The following EXOC4 variants were observed in gnomAD, a reference collection of about 807,000 sequenced individuals.
EXOC4 encodes the protein SEC8-like 1.
EXOC4 carries 71 observed loss-of-function variants against 107.2 expected under a neutral mutation model. The ratio of observed to expected loss-of-function variants is 0.66; its 90% CI spans 0.55 to 0.81. The LOEUF is 0.81. EXOC4 is among the 30% of genes least tolerant of loss of function. The pLI, the probability that EXOC4 is intolerant of heterozygous loss-of-function variation, is 0.00. For missense variants in EXOC4, 1,108 were observed against 1,189.6 expected (o/e 0.93, Z 1.01); for synonymous variants, 456 against 441.2 (o/e 1.03, Z -0.42).
At chr7:133,348,850 A>T (rs1462386678) in intron 5 of EXOC4, among the ~76,000 whole-genome samples, 3 of 152,212 alleles carry the variant, frequency 2.0e-5, no homozygotes, top group African/African-American at 7.2e-5. Context: ...TTGCGTTGTC[A>T]TCTTTATAAG....
chr7:133,864,751 A>T (rs1050432412), intron 11 of EXOC4, among the ~76,000 whole-genome samples: 3 of 152,216 alleles, frequency 2.0e-5, no homozygotes, highest in African/African-American at 4.8e-5. Flanking sequence ...TGTGCGGTTC[A>T]TCTGGATTTA....
chr7:134,036,601 G>C (rs1477950870), intron 17 of EXOC4, among the ~76,000 whole-genome samples: 1 of 151,994 alleles, frequency 6.6e-6, no homozygotes, highest in South Asian at 2.1e-4. Flanking sequence ...AGAAAAAAAA[G>C]AGAGAGAATT....
intron 2 of EXOC4, among the ~76,000 whole-genome samples, chr7:133,276,159 C>T (rs1793986408): frequency 6.6e-6 from 1 of 152,062 alleles, no homozygotes; most frequent in Non-Finnish European, 1.5e-5. Flanking sequence ...CCTCCTTTCT[C>T]CCCTACTTTC....
At chr7:133,731,747 T>C (rs10954430) in intron 10 of EXOC4, among the ~76,000 whole-genome samples, 150,078 of 152,208 alleles carry the variant, frequency 0.99, 74,037 homozygotes, top group Middle Eastern at 1. Flanking sequence ...TTCAGCCTCA[T>C]GTTCATGTTG....
intron 10 of EXOC4, among the ~76,000 whole-genome samples, chr7:133,690,796 G>A (rs1794402430): frequency 6.6e-6 from 1 of 152,146 alleles, no homozygotes; most frequent in Non-Finnish European, 1.5e-5. Flanking sequence ...ACATAGGACA[G>A]GGCGGATTGG....
chr7:133,259,544 C>T (rs1177192562), intron 1 of EXOC4, among the ~76,000 whole-genome samples: 2 of 151,846 alleles, frequency 1.3e-5, no homozygotes, highest in Non-Finnish European at 2.9e-5. Context: ...ATTTTCTTCA[C>T]CAGCATTATC....
chr7:133,619,787 C>T (rs1461598436), intron 9 of EXOC4, among the ~76,000 whole-genome samples: 2 of 152,142 alleles, frequency 1.3e-5, no homozygotes, highest in Non-Finnish European at 2.9e-5. Context: ...GCAGATAGCA[C>T]AGATACTTTC....
At chr7:133,316,401 C>T (rs1039390830) in intron 4 of EXOC4, among the ~76,000 whole-genome samples, 2 of 152,154 alleles carry the variant, frequency 1.3e-5, no homozygotes, top group African/African-American at 4.8e-5. Flanking sequence ...ATGGCTTCCA[C>T]TTCCCTACCC....
intron 11 of EXOC4, among the ~76,000 whole-genome samples, chr7:133,869,693 A>G (rs1490148601): frequency 6.6e-6 from 1 of 151,950 alleles, no homozygotes; most frequent in African/African-American, 2.4e-5. Flanking sequence ...TCCCTTCTCT[A>G]AACTGGAATC....
rs887714235 is a variant in EXOC4 at position 133,897,030 on chromosome 7, C to G, written c.1871+1295C>G. Among the ~76,000 whole-genome samples the G allele has an allele frequency of 4.0e-5, 6 of 149,546 alleles. No homozygotes were observed. In the East Asian group the frequency reaches 9.8e-4, roughly 24 times the overall value. On this transcript the variant is annotated intron_variant, in intron 12 of 17. Coordinates refer to ENST00000253861, the MANE Select transcript of EXOC4 (RefSeq NM_021807.4). ...ACTGGAACAGAGTTCCTATTAGAAT[C>G]TAGTAGGAGATAATGTTGAATAGGA...
chr7:133,855,134 TATATATATAA>T (rs1283979073), intron 11 of EXOC4, among the ~76,000 whole-genome samples: 1 of 110,854 alleles, frequency 9.0e-6, no homozygotes, highest in African/African-American at 4.6e-5. Context: ...TATAAATATA[TATATATATAA>T]ATATATATAT....
At chr7:133,493,115 C>T (rs774380795) in intron 9 of EXOC4, among the ~76,000 whole-genome samples, 9 of 152,148 alleles carry the variant, frequency 5.9e-5, no homozygotes, top group Non-Finnish European at 1.0e-4. Flanking sequence ...TGAGTTAACA[C>T]ATGTAAAATG....
At chr7:134,022,684 CAAAG>C (rs1383038929) in intron 17 of EXOC4, among the ~76,000 whole-genome samples, 1 of 152,144 alleles carries the variant, frequency 6.6e-6, no homozygotes, top group Non-Finnish European at 1.5e-5. Context: ...CTCACCTGGA[CAAAG>C]AGAGAGAAAT....
At chr7:134,071,763 G>A in the EXOC4 span, among the ~76,000 whole-genome samples, 1 of 152,262 alleles carries the variant, frequency 6.6e-6, no homozygotes. Context: ...AGTTTGCTTG[G>A]GGGTTAGAAG....
At chr7:133,274,309 C>G (rs1200268875) in intron 1 of EXOC4, among the ~76,000 whole-genome samples, 1 of 152,160 alleles carries the variant, frequency 6.6e-6, no homozygotes, top group Non-Finnish European at 1.5e-5. Context: ...GGTGGTTCCT[C>G]AGTGTATAAG....
At chr7:133,300,376 A>T (rs1003241851) in intron 3 of EXOC4, among the ~76,000 whole-genome samples, 2 of 152,202 alleles carry the variant, frequency 1.3e-5, no homozygotes, top group Admixed American at 6.5e-5. Context: ...AGTCTTCTCC[A>T]GTGAAACTGA....
chr7:133,532,130 G>A lies in EXOC4; in HGVS notation c.1417+51992G>A, dbSNP rs1220773862. On this transcript the variant is annotated intron_variant, in intron 9 of 17. Transcript: ENST00000253861. Reference sequence around the variant, plus strand: ...TGCTCAAAAAGTTTTGGATTTTGGAGCACTTTAGATTTTGAATTTTTAGAT... The same window carrying A: ...TGCTCAAAAAGTTTTGGATTTTGGAACACTTTAGATTTTGAATTTTTAGAT... Among the ~76,000 whole-genome samples the A allele has an allele frequency of 2.6e-5, 4 of 152,144 alleles. No individual in the cohort carries two copies. In the East Asian group the frequency reaches 7.7e-4, roughly 29 times the overall value.
intron 14 of EXOC4, among the ~76,000 whole-genome samples, chr7:133,977,239 C>G (rs1793857315): frequency 6.6e-6 from 1 of 152,166 alleles, no homozygotes; most frequent in African/African-American, 2.4e-5. Context: ...AGTAGAGAAA[C>G]CCATGGCATA....
intron 2 of EXOC4, among the ~76,000 whole-genome samples, chr7:133,287,905 C>G (rs189454418): frequency 6.6e-6 from 1 of 152,244 alleles, no homozygotes; most frequent in East Asian, 1.9e-4. Context: ...ACCAAAAATA[C>G]GGTAGACTCT....
Sources: allele counts gnomAD v4.1 joint callset (sites outside exome capture counted in the v4.1 genomes callset), GRCh38; gene constraint gnomAD v4.1.1; transcripts MANE v1.5; gene names NCBI Gene and HGNC (gene_info 2026-07-23, HGNC 2026-07-21).